Variants in SNX13 observed in about 807,000 individuals in gnomAD.
SNX13 encodes the protein sorting nexin-13.
In SNX13, 45 loss-of-function variants were observed where a neutral mutation model predicts 133.6. The ratio of observed to expected loss-of-function variants is 0.34; its 90% CI spans 0.27 to 0.43. SNX13 has a LOEUF of 0.43. SNX13 is among the 20% of genes least tolerant of loss of function. The pLI is 1.00. For synonymous variants in SNX13, 414 were observed against 373.9 expected, an observed-to-expected ratio of 1.11 and a Z score of -1.24; for missense variants, 1,032 against 1,145.1, an observed-to-expected ratio of 0.90 and a Z score of 1.43.
intron 1 of SNX13, among the ~76,000 whole-genome samples, chr7:17,913,456 T>G (rs1799213029): frequency 6.6e-6 from 1 of 152,216 alleles, no homozygotes; most frequent in Admixed American, 6.5e-5. Flanking sequence ...CCACCTCTGC[T>G]GAGGGTAAGC....
At chr7:17,885,774 G>C (rs1795920549) in intron 5 of SNX13, among the ~76,000 whole-genome samples, 1 of 152,210 alleles carries the variant, frequency 6.6e-6, no homozygotes, top group South Asian at 2.1e-4. Flanking sequence ...ACTGCAGTGA[G>C]CCGAGATCGT....
At position 17,877,705 on chromosome 7, in the gene SNX13, G is replaced by A. The variant is rs186084919; in HGVS notation, c.441-1915C>T. ...TAGAGGATGTAATGACATTTTAAAC[G>A]AATAAAATTATCAAGCAATGCAAAT... On this transcript the variant is annotated intron_variant, in intron 5 of 25. Transcript: ENST00000428135. Among the ~76,000 whole-genome samples the A allele has an allele frequency of 2.9e-3, 432 of 149,800 alleles. 11 individuals carry two copies. Among genetic ancestry groups the A allele is most frequent in the Admixed American group, 0.026 (390 of 15,032 alleles).
intron 13 of SNX13, among the ~76,000 whole-genome samples, chr7:17,838,235 T>A (rs911308677): frequency 6.6e-6 from 1 of 152,098 alleles, no homozygotes; most frequent in East Asian, 1.9e-4. Context: ...TGTCTAAAAA[T>A]TTGTCCACTT....
chr7:17,904,989 G>A (rs1404441438), intron 1 of SNX13, among the ~76,000 whole-genome samples: 3 of 152,076 alleles, frequency 2.0e-5, no homozygotes, highest in African/African-American at 4.8e-5. Context: ...TGAAATGAGG[G>A]AAGGAATGGA....
intron 5 of SNX13, chr7:17,879,783 A>T (rs578200663): frequency 1.3e-5 from 2 of 152,334 alleles, no homozygotes; most frequent in South Asian, 2.1e-4. Flanking sequence ...GATGCCTTTG[A>T]TTCTAACAAA....
intron 5 of SNX13, chr7:17,881,865 G>C (rs1437967251): frequency 6.6e-6 from 1 of 152,096 alleles, no homozygotes; most frequent in African/African-American, 2.4e-5. Context: ...AGAATTGTAA[G>C]CTTCATTTTG....
chr7:17,906,878 T>C (rs1798460078), intron 1 of SNX13, among the ~76,000 whole-genome samples: 3 of 152,086 alleles, frequency 2.0e-5, no homozygotes, highest in Admixed American at 1.3e-4. Flanking sequence ...TTTAAACTGA[T>C]TCAACAAAAA....
At chr7:17,866,913 A>G (rs1793467488) in intron 9 of SNX13, among the ~76,000 whole-genome samples, 1 of 152,226 alleles carries the variant, frequency 6.6e-6, no homozygotes, top group Non-Finnish European at 1.5e-5. Flanking sequence ...GGATACCCCA[A>G]TTATCCTGAT....
At chr7:17,903,312 G>A (rs926176204) in intron 1 of SNX13, among the ~76,000 whole-genome samples, 3 of 152,088 alleles carry the variant, frequency 2.0e-5, no homozygotes, top group African/African-American at 7.2e-5. Context: ...TAGAAGGAAG[G>A]ACAATTATAT....
intron 21 of SNX13, among the ~76,000 whole-genome samples, chr7:17,802,902 C>T (rs1562656294): frequency 1.3e-5 from 2 of 152,004 alleles, no homozygotes; most frequent in Non-Finnish European, 1.5e-5. Flanking sequence ...AAAAATCTCC[C>T]TGTGAAATTC....
intron 12 of SNX13, 97 bp from the exon 13 acceptor site, chr7:17,840,097 G>C (rs898207313): frequency 3.6e-5 from 36 of 1,011,192 alleles, no homozygotes; most frequent in Non-Finnish European, 4.5e-5. Flanking sequence ...AAAGTTTCAA[G>C]TGTTTAAAAC....
intron 22 of SNX13, among the ~76,000 whole-genome samples, chr7:17,799,736 A>G (rs1304038625): frequency 6.6e-6 from 1 of 151,794 alleles, no homozygotes; most frequent in African/African-American, 2.4e-5. Context: ...TTAGCAAATA[A>G]AAGTCAGTAT....
intron 9 of SNX13, among the ~76,000 whole-genome samples, chr7:17,855,713 C>T (rs1199440591): frequency 6.6e-6 from 1 of 152,246 alleles, no homozygotes; most frequent in East Asian, 1.9e-4. Flanking sequence ...TTATTGCTCA[C>T]TGACAACACA....
intron 8 of SNX13, among the ~76,000 whole-genome samples, chr7:17,872,439 T>C (rs930327438): frequency 1.3e-5 from 2 of 152,218 alleles, no homozygotes; most frequent in Admixed American, 6.5e-5. Context: ...GAACAAATGC[T>C]ATACCTGACT....
chr7:17,860,366 T>A (rs1418650700), intron 9 of SNX13, among the ~76,000 whole-genome samples: 1 of 152,200 alleles, frequency 6.6e-6, no homozygotes, highest in East Asian at 1.9e-4. Flanking sequence ...GAGTTCTTTA[T>A]ATATGATGGA....
intron 1 of SNX13, among the ~76,000 whole-genome samples, chr7:17,910,811 G>C (rs1798888349): frequency 2.0e-5 from 3 of 152,194 alleles, no homozygotes; most frequent in South Asian, 2.1e-4. Context: ...CACAGTTTGT[G>C]TGATTTCATT....
chr7:17,833,714 T>C (rs537470290), intron 15 of SNX13, among the ~76,000 whole-genome samples: 1 of 151,882 alleles, frequency 6.6e-6, no homozygotes, highest in Admixed American at 6.6e-5. Context: ...TATTGCATAT[T>C]AAATCTTCTC....
rs1208664129 is a variant in SNX13, at chr7:17,940,427, T to C, written c.-132A>G. On this transcript the variant is annotated 5_prime_UTR_variant, in exon 1 of 26. Coordinates refer to ENST00000428135, the MANE Select transcript of SNX13 (RefSeq NM_015132.5). ...TCAGTCTTCTCCCGGGCGGCGGTTTTACTCGGCTTCGCTGGCCTCCCCTCG... is the reference window on the plus strand; with the variant it reads ...TCAGTCTTCTCCCGGGCGGCGGTTTCACTCGGCTTCGCTGGCCTCCCCTCG... 9 of 1,070,088 alleles carry C rather than the reference T, an allele frequency of 8.4e-6. 1 individual carries two copies. Among genetic ancestry groups the C allele is most frequent in the South Asian group, 4.0e-5 (3 of 74,780 alleles). 66.3% of individuals were successfully genotyped at this position (1,070,088 alleles called of 1,614,324 possible). A position where few individuals can be genotyped will look rare whatever the true frequency, so the allele number is the denominator to read the frequency against.
intron 1 of SNX13, chr7:17,907,466 C>A (rs1036778078): frequency 6.6e-6 from 1 of 152,160 alleles, no homozygotes; most frequent in African/African-American, 2.4e-5. Flanking sequence ...TGACCAACAA[C>A]AGCACTTTTT....
Sources: gnomAD v4.1 joint callset for allele counts (sites outside exome capture counted in the v4.1 genomes callset) on GRCh38, gnomAD v4.1.1 for gene constraint, MANE v1.5 for transcripts, NCBI Gene and HGNC (gene_info 2026-07-23, HGNC 2026-07-21) for gene names.